GRM8: variants seen among roughly 807,000 people sequenced by gnomAD.
GRM8 encodes the protein glutamate metabotropic receptor 8.
Under a neutral mutation model 87.2 loss-of-function variants are expected in GRM8, and 47 were observed. The observed-to-expected ratio is 0.54, with a 90% CI of 0.43 to 0.69. The LOEUF (loss-of-function observed/expected upper bound fraction) is 0.69. Among genes scored for constraint, GRM8 ranks in the 30% least tolerant of loss-of-function variants. The probability of loss-of-function intolerance (pLI) is 0.00; values close to 1 mark genes in which losing one functional copy is unlikely to be tolerated. For missense variants in GRM8, 1,019 were observed against 1,139.2 expected, an observed-to-expected ratio of 0.89 and a Z score of 1.52; for synonymous variants, 396 against 404.5, an observed-to-expected ratio of 0.98 and a Z score of 0.25.
At chr7:126,719,276 TA>T (rs1322542477) in intron 7 of GRM8, among the ~76,000 whole-genome samples, 1 of 152,236 alleles carries the variant, frequency 6.6e-6, no homozygotes, top group East Asian at 1.9e-4. Context: ...TTAATCGTTT[TA>T]ACTTACTGAG....
intron 7 of GRM8, among the ~76,000 whole-genome samples, chr7:126,742,445 A>C (rs1815118983): frequency 6.6e-6 from 1 of 151,870 alleles, no homozygotes; most frequent in Admixed American, 6.6e-5. Flanking sequence ...TTGGGACTTT[A>C]AAAAAGATCT....
intron 6 of GRM8, among the ~76,000 whole-genome samples, chr7:126,834,792 G>C (rs1795690454): frequency 6.6e-6 from 1 of 152,078 alleles, no homozygotes; most frequent in African/African-American, 2.4e-5. Flanking sequence ...AGCTTAAAAA[G>C]GAAGCAGCAA....
intron 2 of GRM8, among the ~76,000 whole-genome samples, chr7:127,201,725 C>A (rs993588436): frequency 1.3e-5 from 2 of 152,238 alleles, no homozygotes; most frequent in East Asian, 1.9e-4. Context: ...ACTAGAGTAA[C>A]CCTCTAGGAC....
At chr7:127,020,721 G>A (rs550917673) in intron 3 of GRM8, among the ~76,000 whole-genome samples, 2 of 152,200 alleles carry the variant, frequency 1.3e-5, no homozygotes, top group African/African-American at 4.8e-5. Flanking sequence ...CTAAGAAGGT[G>A]AGGGGAAGAA....
intron 8 of GRM8, among the ~76,000 whole-genome samples, chr7:126,545,084 G>C (rs10227324): frequency 0.042 from 6,426 of 152,222 alleles, 387 homozygotes; most frequent in African/African-American, 0.13. Flanking sequence ...TTTCACTCAA[G>C]TTCTATGCAG....
chr7:127,198,923 C>A (rs1392297935), intron 2 of GRM8, among the ~76,000 whole-genome samples: 1 of 151,386 alleles, frequency 6.6e-6, no homozygotes, highest in African/African-American at 2.4e-5. Context: ...TCACTGCAAC[C>A]TTCGCCTCCC....
chr7:127,102,496 C>G (rs1353422539), intron 3 of GRM8, among the ~76,000 whole-genome samples: 3 of 152,222 alleles, frequency 2.0e-5, no homozygotes, highest in African/African-American at 7.2e-5. Context: ...CTGCCCTGTG[C>G]AGCCTCAGGA....
At chr7:127,120,348 T>C (rs1221021434) in intron 2 of GRM8, among the ~76,000 whole-genome samples, 1 of 152,214 alleles carries the variant, frequency 6.6e-6, no homozygotes, top group Non-Finnish European at 1.5e-5. Context: ...ATAAAAGATA[T>C]GTTCATGTTG....
intron 2 of GRM8, among the ~76,000 whole-genome samples, chr7:127,119,676 T>A (rs1383440347): frequency 1.3e-5 from 2 of 152,216 alleles, no homozygotes; most frequent in Non-Finnish European, 2.9e-5. Context: ...GTAGTCTTGG[T>A]GAAAGGTGTT....
intron 3 of GRM8, among the ~76,000 whole-genome samples, chr7:126,978,944 T>A (rs903908531): frequency 2.6e-5 from 4 of 152,240 alleles, no homozygotes; most frequent in African/African-American, 9.6e-5. Flanking sequence ...TCTGCTATAC[T>A]GGCCGACTTT....
At chr7:126,814,591 C>T (rs1793599368) in intron 6 of GRM8, among the ~76,000 whole-genome samples, 1 of 151,972 alleles carries the variant, frequency 6.6e-6, no homozygotes, top group Non-Finnish European at 1.5e-5. Flanking sequence ...CCAATACATC[C>T]AACCTAAAAC....
rs117062210 is a variant in GRM8, at chr7:126,493,836, G to A, written c.2430+39116C>T. On this transcript the variant is annotated intron_variant, in intron 9 of 10. Coordinates refer to ENST00000339582, the MANE Select transcript of GRM8 (RefSeq NM_000845.3). ...TCTATATGGTTCCCTCTGGAAGGGG[G>A]AGTAATTTATCTGATCAGTAAGATT... Among the ~76,000 whole-genome samples the A allele has an allele frequency of 4.4e-3, 676 of 152,160 alleles. 4 individuals carry two copies. The highest frequency in any genetic ancestry group is 0.014 in the Middle Eastern group (4 of 294).
intron 6 of GRM8, among the ~76,000 whole-genome samples, chr7:126,812,160 C>G (rs748039278): frequency 3.3e-5 from 5 of 151,748 alleles, no homozygotes; most frequent in Non-Finnish European, 5.9e-5. Context: ...AAAAATAATA[C>G]AAATAAAAAA....
intron 3 of GRM8, among the ~76,000 whole-genome samples, chr7:127,105,795 T>C (rs1825749895): frequency 6.6e-6 from 1 of 152,202 alleles, no homozygotes; most frequent in African/African-American, 2.4e-5. Flanking sequence ...GTGCTCTAAG[T>C]TGTTCCTTTG....
chr7:127,238,321 T>C (rs1352969312), intron 2 of GRM8, among the ~76,000 whole-genome samples: 3 of 152,070 alleles, frequency 2.0e-5, no homozygotes, highest in Non-Finnish European at 4.4e-5. Flanking sequence ...TGTGTGTGTG[T>C]GTGTGTGTGT....
intron 3 of GRM8, among the ~76,000 whole-genome samples, chr7:127,042,582 C>T (rs556100065): frequency 2.0e-4 from 30 of 152,290 alleles, no homozygotes; most frequent in African/African-American, 6.0e-4. Context: ...GAAACTGGAT[C>T]CCTTCCTTAC....
chr7:127,042,370 A>G (rs1463294758), intron 3 of GRM8, among the ~76,000 whole-genome samples: 2 of 152,258 alleles, frequency 1.3e-5, no homozygotes, highest in Admixed American at 6.5e-5. Context: ...GGCAGGTGCC[A>G]AGGCACAGAG....
chr7:126,809,218 C>T (rs772304775), intron 6 of GRM8, among the ~76,000 whole-genome samples: 1 of 152,256 alleles, frequency 6.6e-6, no homozygotes, highest in South Asian at 2.1e-4. Flanking sequence ...ATTGGGCCCA[C>T]CTGGATAATG....
At chr7:126,500,853 T>A (rs1006953929) in intron 9 of GRM8, among the ~76,000 whole-genome samples, 5 of 152,030 alleles carry the variant, frequency 3.3e-5, no homozygotes, top group African/African-American at 1.2e-4. Context: ...TTTAATTGAA[T>A]AATGTCAAAT....
Sources: gnomAD v4.1 joint callset for allele counts (sites outside exome capture counted in the v4.1 genomes callset) on GRCh38, gnomAD v4.1.1 for gene constraint, MANE v1.5 for transcripts, NCBI Gene and HGNC (gene_info 2026-07-23, HGNC 2026-07-21) for gene names.